CLEC9A: variants seen among roughly 807,000 people sequenced by gnomAD.
CLEC9A encodes the protein C-type lectin domain family 9 member A.
In CLEC9A, 24 loss-of-function variants were observed where a neutral mutation model predicts 30.0. The observed-to-expected ratio is 0.80, with a 90% CI of 0.58 to 1.13. CLEC9A has a LOEUF of 1.13. Ranked by LOEUF, CLEC9A falls within the 50% of genes most tolerant of loss-of-function variation. CLEC9A has a pLI of 0.00. For missense variants in CLEC9A, 251 were observed against 280.9 expected, an observed-to-expected ratio of 0.89 and a Z score of 0.76; for synonymous variants, 111 against 96.8, an observed-to-expected ratio of 1.15 and a Z score of -0.86.
chr12:10,036,280 T>C (rs1865743512), intron 1 of CLEC9A, among the ~76,000 whole-genome samples: 1 of 152,228 alleles, frequency 6.6e-6, no homozygotes, highest in Non-Finnish European at 1.5e-5. Flanking sequence ...GTTTAAGCTT[T>C]CTGTAAATGA....
At chr12:10,055,249 C>T (rs974429437) in intron 5 of CLEC9A, among the ~76,000 whole-genome samples, 2 of 152,194 alleles carry the variant, frequency 1.3e-5, no homozygotes, top group Admixed American at 6.5e-5. Context: ...TATCTACTCT[C>T]TTTGGGTCTT....
chr12:10,033,130 T>C (rs998146668), intron 1 of CLEC9A, among the ~76,000 whole-genome samples: 47 of 152,256 alleles, frequency 3.1e-4, no homozygotes, highest in African/African-American at 1.1e-3. Context: ...ACATACATTC[T>C]TCTCTAAAAT....
In CLEC9A at chr12:10,054,260, T is replaced by C; in HGVS notation, c.92-11T>C. 1 of 1,606,052 alleles carries C rather than the reference T, an allele frequency of 6.2e-7. No individual in the cohort carries two copies. The highest frequency in any genetic ancestry group is 1.3e-5 in the African/African-American group (1 of 74,798). On this transcript the variant is annotated splice_polypyrimidine_tract_variant and intron_variant, in intron 4 of 8. Transcript: ENST00000355819. ...TCTAACTCGGTATCATTTTTCCTATTCTGTGGTTAGGAGCATGCTGTCTTG... is the reference window on the plus strand; with the variant it reads ...TCTAACTCGGTATCATTTTTCCTATCCTGTGGTTAGGAGCATGCTGTCTTG...
At position 10,064,813 on chromosome 12, in the gene CLEC9A, C is replaced by T. The variant is rs147713876; in HGVS notation, c.553C>T (p.Arg185Cys). Residue 185 changes from arginine (R) to cysteine (C), a missense_variant, in exon 8 of 9, where the codon CGC (arginine) becomes TGC (cysteine). Transcript: ENST00000355819. ...VGLSQDGHSG[R>C]WLWQDGSSPS... is the part of the protein sequence containing the mutation. ...GTTGTCTCAGGATGGACACAGCGGA[C>T]GCTGGCTTTGGCAAGATGGCTCCTC... 4.6e-5 allele frequency: 74 copies of T among 1,613,304 alleles called. No individual in the cohort carries two copies. The highest frequency in any genetic ancestry group is 5.3e-5 in the Non-Finnish European group (63 of 1,179,656).
At chr12:10,038,286 T>C (rs1865760517) in intron 1 of CLEC9A, among the ~76,000 whole-genome samples, 1 of 152,214 alleles carries the variant, frequency 6.6e-6, no homozygotes, top group East Asian at 1.9e-4. Flanking sequence ...CTTTTTTGTT[T>C]GTTTGTTTAT....
Position 10,054,347 on chromosome 12 carries a change from C to T in CLEC9A, c.168C>T (p.Val56=). 1 of 1,602,852 alleles carries T rather than the reference C, an allele frequency of 6.2e-7. No individual in the cohort carries two copies. The highest frequency in any genetic ancestry group is 8.5e-7 in the Non-Finnish European group (1 of 1,170,498). ...GLLTASIFLG[V]KLLQVSTIAM... The stretch of plus-strand genomic sequence containing the variant: ...TAACAGCATCCATTTTCTTGGGCGT[C>T]AAGTGTAAGTACTAAAAGATATTTT... The change falls in exon 5 of 9, where the codon GTC becomes GTT. Residue 56 remains valine, a synonymous_variant. Coordinates refer to ENST00000355819, the MANE Select transcript of CLEC9A (RefSeq NM_207345.4).
chr12:10,061,350 A>G, intron 6 of CLEC9A, 77 bp downstream of exon 6: 1 of 1,409,976 alleles, frequency 7.1e-7, no homozygotes, highest in Middle Eastern at 2.0e-4. Context: ...AGTGACACAC[A>G]TTTTGTTCTC....
intron 2 of CLEC9A, among the ~76,000 whole-genome samples, chr12:10,043,909 G>A (rs1663060321): frequency 1.3e-5 from 2 of 152,034 alleles, no homozygotes; most frequent in African/African-American, 4.8e-5. Context: ...TCCCTCTCCT[G>A]ACCTCATGAT....
At chr12:10,041,293 A>G (rs1244696060) in intron 1 of CLEC9A, among the ~76,000 whole-genome samples, 173 bp from the exon 2 acceptor site, 1 of 152,128 alleles carries the variant, frequency 6.6e-6, no homozygotes, top group Non-Finnish European at 1.5e-5. Flanking sequence ...AAAAAACAGA[A>G]GGGCACTTTT....
intron 5 of CLEC9A, among the ~76,000 whole-genome samples, chr12:10,060,332 C>G (rs889325082): frequency 6.6e-6 from 1 of 152,184 alleles, no homozygotes; most frequent in Non-Finnish European, 1.5e-5. Flanking sequence ...AACAGTTAAA[C>G]TAGTAGTGGT....
intron 2 of CLEC9A, among the ~76,000 whole-genome samples, chr12:10,048,141 G>C (rs1298636887): frequency 6.6e-6 from 1 of 150,390 alleles, no homozygotes; most frequent in East Asian, 1.9e-4. Context: ...GCTGAGGCAG[G>C]AGAATGGCGT....
intron 6 of CLEC9A, 35 bp downstream of exon 6, chr12:10,061,308 C>T: frequency 6.4e-7 from 1 of 1,558,642 alleles, no homozygotes; most frequent in Non-Finnish European, 8.7e-7. Context: ...CTGTATACAT[C>T]TAAATATATA....
intron 1 of CLEC9A, among the ~76,000 whole-genome samples, chr12:10,039,927 A>C (rs1865776867): frequency 6.6e-6 from 1 of 152,026 alleles, no homozygotes; most frequent in Non-Finnish European, 1.5e-5. Flanking sequence ...GGTCTGAGAG[A>C]TTCTCATGCC....
At chr12:10,059,838 A>T (rs1865980237) in intron 5 of CLEC9A, among the ~76,000 whole-genome samples, 2 of 152,248 alleles carry the variant, frequency 1.3e-5, no homozygotes, top group African/African-American at 4.8e-5. Flanking sequence ...GAATGTACAA[A>T]GAACTCTCTA....
chr12:10,061,808 C>T (rs1208205811), intron 6 of CLEC9A, among the ~76,000 whole-genome samples: 1 of 152,134 alleles, frequency 6.6e-6, no homozygotes, highest in Non-Finnish European at 1.5e-5. Context: ...AAACCTAATG[C>T]AGAGTCTATT....
At chr12:10,045,642 G>C in intron 2 of CLEC9A, 1 of 244,612 alleles carries the variant, frequency 4.1e-6, no homozygotes, top group South Asian at 6.7e-5. Flanking sequence ...CAAGGAAAGG[G>C]GCAGGATATC....
intron 1 of CLEC9A, among the ~76,000 whole-genome samples, chr12:10,040,452 ATT>A (rs11452760): frequency 5.8e-5 from 8 of 137,108 alleles, no homozygotes; most frequent in Admixed American, 7.3e-5. Context: ...TACATTGGCA[ATT>A]TTTTTTTTTT....
chr12:10,064,394 G>A (rs1467073786), intron 7 of CLEC9A, among the ~76,000 whole-genome samples: 1 of 152,102 alleles, frequency 6.6e-6, no homozygotes, highest in Non-Finnish European at 1.5e-5. Context: ...ATTCTATGTG[G>A]TCTATGATGT....
chr12:10,044,598 C>T lies in CLEC9A; in HGVS notation c.-163+2978C>T, dbSNP rs537070559. 3.9e-5 allele frequency among the ~76,000 whole-genome samples: 6 copies of T among 152,288 alleles called. No individual in the cohort carries two copies. The South Asian group carries it at 1.0e-3, about 26-fold the overall frequency. ...TGCCTCCACAACTCCATGACTGTTT[C>T]CTTCTTGTGAATCAAGTCTCTATTT... is the stretch of plus-strand genomic sequence containing the variant. On this transcript the variant is annotated intron_variant, in intron 2 of 8. Transcript: ENST00000355819.
Sources: allele counts gnomAD v4.1 joint callset (sites outside exome capture counted in the v4.1 genomes callset), GRCh38; gene constraint gnomAD v4.1.1; transcripts MANE v1.5; gene names NCBI Gene and HGNC (gene_info 2026-07-23, HGNC 2026-07-21).